The following SLC5A7 variants were observed in gnomAD, a reference collection of about 807,000 sequenced individuals.
SLC5A7 encodes high affinity choline transporter 1.
In SLC5A7, 19 loss-of-function variants were observed where a neutral mutation model predicts 55.4. That is an observed-to-expected ratio of 0.34 (90% confidence interval 0.24 to 0.50). The LOEUF is 0.50. Ranked by LOEUF, SLC5A7 falls within the 20% of genes least tolerant of loss-of-function variation. The probability of loss-of-function intolerance (pLI) is 0.98; values close to 1 mark genes in which losing one functional copy is unlikely to be tolerated. For synonymous variants in SLC5A7, 265 were observed against 263.7 expected, an observed-to-expected ratio of 1.00 and a Z score of -0.05; for missense variants, 506 against 705.3, an observed-to-expected ratio of 0.72 and a Z score of 3.20.
At chr2:108,007,086 T>G (rs1402598808) in intron 7 of SLC5A7, among the ~76,000 whole-genome samples, 2 of 152,200 alleles carry the variant, frequency 1.3e-5, no homozygotes, top group Non-Finnish European at 2.9e-5. Context: ...TATTAATTAC[T>G]CCTGACCTTT....
chr2:107,988,379 C>T (rs748221444), intron 2 of SLC5A7, 46 bp downstream of exon 2: 6 of 1,562,134 alleles, frequency 3.8e-6, no homozygotes, highest in Non-Finnish European at 5.2e-6. Flanking sequence ...CCTTCCTTGG[C>T]ATCTGTGAGT....
intron 4 of SLC5A7, among the ~76,000 whole-genome samples, chr2:107,996,424 A>AT (rs1314092233): frequency 1.3e-5 from 2 of 152,222 alleles, no homozygotes; most frequent in African/African-American, 4.8e-5. Flanking sequence ...TCTTACTGAT[A>AT]TTTTGGATCA....
chr2:107,986,800 C>G (rs1319135145), intron 1 of SLC5A7, 37 bp downstream of exon 1: 1 of 152,118 alleles, frequency 6.6e-6, no homozygotes, highest in African/African-American at 2.4e-5. Flanking sequence ...CCTACGGGCC[C>G]GCACCCTCGG....
In SLC5A7 at chr2:107,992,159, C is replaced by T; in HGVS notation, c.232C>T (p.Pro78Ser). ...INGTAEAVYV[P>S]GYGLAWAQAP... The stretch of plus-strand genomic sequence containing the variant: ...TGGCACAGCTGAAGCAGTTTATGTA[C>T]CAGGTTATGGCCTAGCTTGGGCTCA... The change falls in exon 3 of 9, where the codon CCA (proline) becomes TCA (serine). Residue 78 changes from proline to serine, a missense_variant. By Grantham distance (74) the Pro-to-Ser change is moderately conservative. Transcript: ENST00000264047. 1.2e-6 allele frequency: 2 copies of T among 1,613,794 alleles called. No homozygotes were observed. The highest frequency in any genetic ancestry group is 1.7e-6 in the Non-Finnish European group (2 of 1,179,760).
Position 107,992,133 on chromosome 2 carries a change from A to G in SLC5A7, c.206A>G (p.Asn69Ser). The G allele has an allele frequency of 6.2e-7, 1 of 1,613,676 alleles. No homozygotes were observed. The highest frequency in any genetic ancestry group is 1.1e-5 in the South Asian group (1 of 91,070). Residue 69 changes from asparagine (N) to serine (S), a missense_variant, in exon 3 of 9, where the codon AAT becomes AGT. Physicochemically the swap from Asn to Ser is conservative, Grantham distance 46 (BLOSUM62 1). This residue lies in a region of SLC5A7 where 309 missense variants were observed against 478.6 expected (regional missense o/e 0.65). Transcript: ENST00000264047. ...TATWVGGGYINGTAEAVYVPG... is the reference protein window; with the variant it reads ...TATWVGGGYISGTAEAVYVPG... The stretch of plus-strand genomic sequence containing the variant: ...ACCTGGGTCGGAGGAGGGTATATCA[A>G]TGGCACAGCTGAAGCAGTTTATGTA...
chr2:107,999,764 T>TC (rs1677811983), intron 5 of SLC5A7, among the ~76,000 whole-genome samples: 1 of 152,122 alleles, frequency 6.6e-6, no homozygotes, highest in Non-Finnish European at 1.5e-5. Flanking sequence ...CTTTTCATTT[T>TC]CCCTCTCTCT....
chr2:108,006,977 A>T (rs1316526417), intron 7 of SLC5A7, among the ~76,000 whole-genome samples: 2 of 152,308 alleles, frequency 1.3e-5, no homozygotes, highest in Non-Finnish European at 2.9e-5. Flanking sequence ...ATAACTTATT[A>T]AAAAATGGTT....
At chr2:108,002,946 G>T (rs190916259) in intron 6 of SLC5A7, among the ~76,000 whole-genome samples, 1 of 152,254 alleles carries the variant, frequency 6.6e-6, no homozygotes, top group Admixed American at 6.5e-5. Context: ...GTAGAAGGTT[G>T]GCAATATTGT....
intron 3 of SLC5A7, 95 bp from the exon 4 acceptor site, chr2:107,992,877 T>C (rs1434910869): frequency 2.2e-6 from 3 of 1,376,830 alleles, no homozygotes; most frequent in Non-Finnish European, 3.0e-6. Context: ...ACAGGTGTTC[T>C]GGAAAATGCA....
chr2:107,992,165 T>G lies in SLC5A7; in HGVS notation c.238T>G (p.Tyr80Asp). 4 of 1,613,946 alleles carry G rather than the reference T, an allele frequency of 2.5e-6. No individual in the cohort carries two copies. The highest frequency in any genetic ancestry group is 2.5e-6 in the Non-Finnish European group (3 of 1,179,828). Residue 80 changes from tyrosine to aspartate, a missense_variant, in exon 3 of 9, where the codon TAT becomes GAT. Tyr to Asp is a radical substitution (Grantham distance 160, BLOSUM62 -3). Around this residue, in one of 4 missense-constraint regions of SLC5A7, gnomAD observed 309 missense variants for 478.6 expected, o/e 0.65. Coordinates refer to ENST00000264047, the MANE Select transcript of SLC5A7 (RefSeq NM_021815.5). ...GTAEAVYVPG[Y>D]GLAWAQAPIG... ...AGCTGAAGCAGTTTATGTACCAGGT[T>G]ATGGCCTAGCTTGGGCTCAGGCACC...
chr2:108,007,488 G>C (rs1027761212), intron 7 of SLC5A7, among the ~76,000 whole-genome samples: 2 of 151,812 alleles, frequency 1.3e-5, no homozygotes, highest in Non-Finnish European at 2.9e-5. Context: ...GTCTGTGTGT[G>C]TGTGTGTGTG....
At chr2:108,006,342 T>C in intron 7 of SLC5A7, 140 bp downstream of exon 7, 1 of 835,840 alleles carries the variant, frequency 1.2e-6, no homozygotes, top group Non-Finnish European at 1.8e-6. Flanking sequence ...TGTTATAGCA[T>C]TCAGTAAATC....
chr2:107,991,396 T>A (rs1677447148), intron 2 of SLC5A7, among the ~76,000 whole-genome samples: 1 of 152,112 alleles, frequency 6.6e-6, no homozygotes, highest in Non-Finnish European at 1.5e-5. Flanking sequence ...GGCCTTAAGG[T>A]AACATTTAAA....
At chr2:107,998,458 A>G (rs1452864628) in intron 5 of SLC5A7, among the ~76,000 whole-genome samples, 1 of 152,216 alleles carries the variant, frequency 6.6e-6, no homozygotes, top group African/African-American at 2.4e-5. Flanking sequence ...CTAAAAACAA[A>G]GAAAATTCTT....
intron 4 of SLC5A7, among the ~76,000 whole-genome samples, chr2:107,993,945 T>C (rs1002918572): frequency 6.6e-6 from 1 of 152,244 alleles, no homozygotes; most frequent in East Asian, 1.9e-4. Context: ...TGGAAAAATT[T>C]AAGTATGGTA....
rs1276738977 is a variant in SLC5A7 at position 108,008,564 on chromosome 2, T to A, written c.995T>A (p.Ile332Asn). Residue 332 changes from isoleucine to asparagine, a missense_variant, in exon 8 of 9, where the codon ATT becomes AAT. By Grantham distance (149) the Ile-to-Asn change is moderately radical (BLOSUM62 -3). Transcript: ENST00000264047. ...CTGCAGTATCTCTGCCCTGTGTATA[T>A]TTCTTTCTTTGGTCTTGGTGCAGTT... Reference protein sequence around the residue: ...IVLQYLCPVYISFFGLGAVSA... With the variant: ...IVLQYLCPVYNSFFGLGAVSA... 6.2e-7 allele frequency: 1 copy of A among 1,613,572 alleles called. No individual in the cohort carries two copies. Among genetic ancestry groups the A allele is most frequent in the African/African-American group, 1.3e-5 (1 of 74,834 alleles).
In SLC5A7 at chr2:108,006,111, C is replaced by T; in HGVS notation, c.804C>T (p.Thr268=). 3.1e-6 allele frequency: 5 copies of T among 1,614,152 alleles called. No individual in the cohort carries two copies. The highest frequency in any genetic ancestry group is 4.2e-6 in the Non-Finnish European group (5 of 1,180,016). The change falls in exon 7 of 9, where the codon ACC becomes ACT. Residue 268 remains threonine, a synonymous_variant. Transcript: ENST00000264047. The stretch of plus-strand genomic sequence containing the variant: ...GGGTTCTCTCTTCTTCCTCAGCCAC[C>T]TATGCTCAAGTGCTGTCCTTCCTGG... ...FQRVLSSSSA[T]YAQVLSFLAA... is the part of the protein sequence containing the mutation.
chr2:108,009,947 A>T (rs968489439), intron 8 of SLC5A7, among the ~76,000 whole-genome samples: 1 of 152,080 alleles, frequency 6.6e-6, no homozygotes, highest in African/African-American at 2.4e-5. Flanking sequence ...CCCTGACACC[A>T]TGTTAGCTCA....
chr2:107,992,935 C>G, intron 3 of SLC5A7, 37 bp from the exon 4 acceptor site: 1 of 1,604,226 alleles, frequency 6.2e-7, no homozygotes, highest in Non-Finnish European at 8.5e-7. Flanking sequence ...ATATTACATT[C>G]TTTTTATTTT....
Sources: allele counts gnomAD v4.1 joint callset (sites outside exome capture counted in the v4.1 genomes callset), GRCh38; gene constraint gnomAD v4.1.1; regional missense constraint gnomAD v4.1.1; transcripts MANE v1.5; gene names NCBI Gene and HGNC (gene_info 2026-07-23, HGNC 2026-07-21).